Variants in NEB observed in about 807,000 individuals in gnomAD.
NEB encodes nemaline myopathy type 2.
NEB carries 512 observed loss-of-function variants against 952.2 expected under a neutral mutation model. That is an observed-to-expected ratio of 0.54 (90% CI 0.50 to 0.58). The LOEUF is 0.58. Among genes scored for constraint, NEB ranks in the 20% least tolerant of loss-of-function variants. The pLI, the probability that NEB is intolerant of heterozygous loss-of-function variation, is 0.00. For missense variants in NEB, 8,428 were observed against 9,231.1 expected (o/e 0.91, Z 3.56); for synonymous variants, 2,900 against 3,149.8 (o/e 0.92, Z 2.66).
Position 151,697,224 on chromosome 2 carries a change from T to A in NEB, c.1394A>T (p.Asp465Val). 1 of 1,613,882 alleles carries A rather than the reference T, an allele frequency of 6.2e-7. No individual in the cohort carries two copies. Among genetic ancestry groups the A allele is most frequent in the Non-Finnish European group, 8.5e-7 (1 of 1,179,830 alleles). ...CTGAGGGAAGAAGCCTTTGCCTCTGTCTTCTTCGTATTCTGCTTTGTAGTT... is the reference window on the plus strand; with the variant it reads ...CTGAGGGAAGAAGCCTTTGCCTCTGACTTCTTCGTATTCTGCTTTGTAGTT... ...DKNYKAEYEE[D>V]RGKGFFPQTI... The change falls in exon 16 of 182, where the codon GAC (aspartate) becomes GTC (valine). Residue 465 changes from aspartate to valine, a missense_variant. Transcript: ENST00000397345.
chr2:151,485,869 C>G lies in NEB; in HGVS notation c.25469G>C (p.Gly8490Ala). ...TGCTTGAACATTTATGATGGCATCT[C>G]CATCCTTGAAGGACACCTCATCTGC... is the stretch of plus-strand genomic sequence containing the variant. ...ADADEVSFKD[G>A]DAIINVQAID... Residue 8490 changes from glycine to alanine, a missense_variant, in exon 182 of 182, where the codon GGA (glycine) becomes GCA (alanine). By Grantham distance (60) the Gly-to-Ala change is moderately conservative (BLOSUM62 0). Transcript: ENST00000397345. The G allele has an allele frequency of 6.2e-7, 1 of 1,613,970 alleles. No individual in the cohort carries two copies. The highest frequency in any genetic ancestry group is 8.5e-7 in the Non-Finnish European group (1 of 1,179,858).
At position 151,678,245 on chromosome 2, in the gene NEB, A is replaced by C. The variant is rs142376886; in HGVS notation, c.3256-58T>G. On this transcript the variant is annotated intron_variant, in intron 32 of 181. Coordinates refer to ENST00000397345, the MANE Select transcript of NEB (RefSeq NM_001164508.2). ...TGTAGTTTTGAGGGCTTTACTAAAC[A>C]ATGAGGCCATGATTTGAAGTAATTG... The C allele has an allele frequency of 2.2e-5, 25 of 1,113,618 alleles. No homozygotes were observed. The African/African-American group carries it at 3.1e-4, about 14-fold the overall frequency. The allele number at this position is 1,113,618 out of a possible 1,614,324, so 69.0% of individuals were successfully genotyped here.
chr2:151,724,986 G>A (rs1465409854), intron 6 of NEB, 25 bp from the exon 7 acceptor site: 1 of 1,553,290 alleles, frequency 6.4e-7, no homozygotes, highest in Admixed American at 1.7e-5. Flanking sequence ...CACAGTTAGA[G>A]TTCATGACAG....
intron 172 of NEB, among the ~76,000 whole-genome samples, 157 bp from the exon 173 acceptor site, chr2:151,496,525 A>T (rs1016146355): frequency 1.3e-5 from 2 of 152,162 alleles, no homozygotes; most frequent in Non-Finnish European, 2.9e-5. Flanking sequence ...ACTTTAGTGG[A>T]AGCTGTTGTT....
intron 173 of NEB, among the ~76,000 whole-genome samples, chr2:151,495,940 C>T (rs958053315): frequency 1.3e-5 from 2 of 152,098 alleles, no homozygotes; most frequent in African/African-American, 2.4e-5. Flanking sequence ...GGACCTACTC[C>T]ACCACCCCAC....
chr2:151,514,347 C>G lies in NEB; in HGVS notation c.23098G>C (p.Ala7700Pro). 1 of 1,613,602 alleles carries G rather than the reference C, an allele frequency of 6.2e-7. No homozygotes were observed. The highest frequency in any genetic ancestry group is 1.1e-5 in the South Asian group (1 of 91,076). ...TTGAGGATTTGAGTGGCATTCTTTG[C>G]TCTTAGCATGTCAGGTGTATCTTCC... ...EMEDTPDMLRAKNATQILNEK... is the reference protein window; with the variant it reads ...EMEDTPDMLRPKNATQILNEK... The change falls in exon 159 of 182, where the codon GCA becomes CCA. Residue 7700 changes from alanine to proline, a missense_variant. Physicochemically the swap from Ala to Pro is conservative, Grantham distance 27. Transcript: ENST00000397345.
At chr2:151,640,695 CTGTTT>C in intron 60 of NEB, 29 bp from the exon 61 acceptor site, 1 of 1,581,882 alleles carries the variant, frequency 6.3e-7, no homozygotes, top group Non-Finnish European at 8.6e-7. Flanking sequence ...AGATAGTCAT[CTGTTT>C]TAACTTTTAG....
rs925753832 is a variant in NEB, at chr2:151,493,228, T to C, written c.24765+125A>G. 6.9e-6 allele frequency: 5 copies of C among 727,824 alleles called. No homozygotes were observed. The African/African-American group carries it at 7.2e-5, about 10-fold the overall frequency. 45.1% of individuals were successfully genotyped at this position (727,824 alleles called of 1,614,324 possible). A position where few individuals can be genotyped will look rare whatever the true frequency, so the allele number is the denominator to read the frequency against. Reference sequence around the variant, plus strand: ...GGTGTTAAAACGTTACTTTCCAAGATGTTGCATTTTTCTCTTTTAAAATTT... The same window carrying C: ...GGTGTTAAAACGTTACTTTCCAAGACGTTGCATTTTTCTCTTTTAAAATTT... On this transcript the variant is annotated intron_variant, in intron 176 of 181. Transcript: ENST00000397345.
At position 151,675,358 on chromosome 2, in the gene NEB, G is replaced by A. The variant is rs750535430; in HGVS notation, c.3808C>T (p.His1270Tyr). The A allele has an allele frequency of 6.3e-7, 1 of 1,588,090 alleles. No individual in the cohort carries two copies. ...LYKAKGEDVK[H>Y]KYTMSPDLPQ... ...AGATCAGGACTCATGGTGTATTTATGTTTCACATCTTCTCCTTTAGCCTTG... is the reference window on the plus strand; with the variant it reads ...AGATCAGGACTCATGGTGTATTTATATTTCACATCTTCTCCTTTAGCCTTG... The change falls in exon 35 of 182, where the codon CAT becomes TAT. Residue 1270 changes from histidine to tyrosine, a missense_variant. This residue lies in a region of NEB where 2,851 missense variants were observed against 2,791.5 expected (regional missense o/e 1.02). Coordinates refer to ENST00000397345, the MANE Select transcript of NEB (RefSeq NM_001164508.2).
chr2:151,710,951 A>G (rs1188627248), intron 10 of NEB, among the ~76,000 whole-genome samples: 1 of 152,242 alleles, frequency 6.6e-6, no homozygotes. Context: ...CTAGTTTTCC[A>G]GAAAGAAACA....
intron 65 of NEB, 38 bp from the exon 66 acceptor site, chr2:151,631,384 A>G: frequency 1.9e-6 from 3 of 1,578,072 alleles, no homozygotes; most frequent in Non-Finnish European, 2.6e-6. Flanking sequence ...CTTCATCAAG[A>G]CCACAATATT....
chr2:151,713,624 G>T (rs987344664), intron 10 of NEB, among the ~76,000 whole-genome samples: 2 of 152,178 alleles, frequency 1.3e-5, no homozygotes, highest in African/African-American at 4.8e-5. Flanking sequence ...CTGGAAGGGA[G>T]CAGAGAGGCA....
Position 151,540,376 on chromosome 2 carries a change from T to C in NEB, c.20860A>G (p.Arg6954Gly). Residue 6954 changes from arginine to glycine, a missense_variant, in exon 138 of 182, where the codon AGA becomes GGA. By Grantham distance (125) the Arg-to-Gly change is moderately radical. Around this residue, in one of 11 missense-constraint regions of NEB, gnomAD observed 3,374 missense variants for 3,651.5 expected, o/e 0.92. Transcript: ENST00000397345. ...GCATTCCAGTAAGCCCTCTTGGCTC[T>C]GATGAGGATTGGCGTATCTGGAACC... ...TPVPDTPILI[R>G]AKRAYWNASD... is the part of the protein sequence containing the mutation. The C allele has an allele frequency of 2.5e-6, 4 of 1,585,676 alleles. No homozygotes were observed. The Admixed American group carries it at 5.3e-5, about 21-fold the overall frequency.
chr2:151,506,144 A>G, intron 164 of NEB, 22 bp downstream of exon 164: 1 of 1,565,070 alleles, frequency 6.4e-7, no homozygotes, highest in South Asian at 1.1e-5. Flanking sequence ...AAATATTGCA[A>G]GTGCATTCAC....
intron 138 of NEB, 35 bp from the exon 139 acceptor site, chr2:151,538,279 A>G: frequency 6.9e-7 from 1 of 1,458,664 alleles, no homozygotes. Context: ...TTACAAAAAA[A>G]CTACCAAGTT....
Position 151,565,619 on chromosome 2 carries a change from G to A in NEB, c.18262-14C>T. ...CTTATATTTGATCTGTAAAGAAACG[G>A]AGACAATTAAGACAGGTCTACCACC... On this transcript the variant is annotated splice_polypyrimidine_tract_variant and intron_variant, in intron 115 of 181. Coordinates refer to ENST00000397345, the MANE Select transcript of NEB (RefSeq NM_001164508.2). 1 of 1,574,976 alleles carries A rather than the reference G, an allele frequency of 6.3e-7. No individual in the cohort carries two copies. Among genetic ancestry groups the A allele is most frequent in the Non-Finnish European group, 8.7e-7 (1 of 1,150,056 alleles).
intron 57 of NEB, 95 bp downstream of exon 57, chr2:151,643,723 T>C: frequency 6.5e-7 from 1 of 1,532,724 alleles, no homozygotes; most frequent in South Asian, 1.3e-5. Context: ...TAGTCCAGGG[T>C]AATTGTGTAA....
chr2:151,704,179 AGGG>A (rs2099691145), intron 13 of NEB, among the ~76,000 whole-genome samples: 1 of 58,296 alleles, frequency 1.7e-5, no homozygotes, highest in African/African-American at 6.5e-5. Context: ...CTCGGGGGTC[AGGG>A]GTCAGGGACC....
intron 167 of NEB, among the ~76,000 whole-genome samples, 157 bp downstream of exon 167, chr2:151,502,636 C>G (rs566465441): frequency 6.6e-6 from 1 of 151,920 alleles, no homozygotes; most frequent in African/African-American, 2.4e-5. Context: ...AAATTTCACA[C>G]CAGAACTAAA....
Sources: gnomAD v4.1 joint callset for allele counts (sites outside exome capture counted in the v4.1 genomes callset) on GRCh38, gnomAD v4.1.1 for gene constraint, gnomAD v4.1.1 regional missense constraint, MANE v1.5 for transcripts, NCBI Gene and HGNC (gene_info 2026-07-23, HGNC 2026-07-21) for gene names.